Variants in SP100 observed in about 807,000 individuals in gnomAD.
SP100 encodes nuclear autoantigen Sp-100.
SP100 carries 84 observed loss-of-function variants against 130.0 expected under a neutral mutation model. The ratio of observed to expected loss-of-function variants is 0.65; its 90% CI spans 0.54 to 0.77. SP100 has a LOEUF of 0.77. SP100 is among the 30% of genes least tolerant of loss of function. SP100 has a pLI of 0.00. For synonymous variants in SP100, 331 were observed against 351.7 expected (o/e 0.94, Z 0.66); for missense variants, 978 against 1,052.2 (o/e 0.93, Z 0.97).
At chr2:230,436,455 G>C (rs1270343405) in intron 2 of SP100, among the ~76,000 whole-genome samples, 2 of 129,192 alleles carry the variant, frequency 1.5e-5, no homozygotes, top group African/African-American at 5.0e-5. Flanking sequence ...ATGATAATGA[G>C]TGAGTTCTCA....
intron 8 of SP100, among the ~76,000 whole-genome samples, chr2:230,452,818 G>GTTTTTTT (rs371944455): frequency 8.2e-6 from 1 of 122,064 alleles, no homozygotes; most frequent in Non-Finnish European, 1.7e-5. Flanking sequence ...AGTTCTAGCA[G>GTTTTTTT]TTTTTTTTTT....
chr2:230,503,018 C>G (rs1322493120), intron 19 of SP100, 48 bp from the exon 20 acceptor site: 1 of 1,373,278 alleles, frequency 7.3e-7, no homozygotes, highest in Non-Finnish European at 1.0e-6. Context: ...TAAAACACTA[C>G]TATTTGCAAT....
chr2:230,471,872 A>T (rs969504030), intron 15 of SP100, among the ~76,000 whole-genome samples: 1 of 152,078 alleles, frequency 6.6e-6, no homozygotes, highest in African/African-American at 2.4e-5. Flanking sequence ...CAGGTAGGGG[A>T]ATTTTGTGGG....
Position 230,503,085 on chromosome 2 carries a change from A to G in SP100, c.1740A>G (p.Arg580=), listed in dbSNP as rs781046413. Residue 580 remains arginine, a synonymous_variant, in exon 20 of 29, where the codon AGA becomes AGG. Coordinates refer to ENST00000340126, the MANE Select transcript of SP100 (RefSeq NM_001080391.2). ...WQQRGRKANT[R]PLKRRRKRGP... is the part of the protein sequence containing the mutation. ...TCTCAGGAAGAAAAGCCAACACTAG[A>G]CCTTTGAAAAGAAGAAGAAAAAGAG... 29 of 1,604,504 alleles carry G rather than the reference A, an allele frequency of 1.8e-5. 1 individual carries two copies. In the Middle Eastern group the frequency reaches 1.3e-3, roughly 73 times the overall value.
intron 24 of SP100, among the ~76,000 whole-genome samples, chr2:230,522,937 C>T (rs1218814427): frequency 1.3e-5 from 2 of 152,116 alleles, no homozygotes; most frequent in Non-Finnish European, 2.9e-5. Context: ...GCCTCAGCCT[C>T]CCAAGTAGCT....
Position 230,543,037 on chromosome 2 carries a change from T to C in SP100, c.*91T>C, listed in dbSNP as rs1449417485. ...AATCTGTGACTGCTCCTGTGGAAAC[T>C]CCACATCACAATTCTCCAAAATTTA... On this transcript the variant is annotated 3_prime_UTR_variant, in exon 29 of 29. Coordinates refer to ENST00000340126, the MANE Select transcript of SP100 (RefSeq NM_001080391.2). 7 of 652,640 alleles carry C rather than the reference T, an allele frequency of 1.1e-5. No individual in the cohort carries two copies. The highest frequency in any genetic ancestry group is 1.9e-5 in the Non-Finnish European group (7 of 374,482). 40.4% of individuals were successfully genotyped at this position (652,640 alleles called of 1,614,324 possible).
At chr2:230,522,641 A>C (rs1356051347) in intron 24 of SP100, among the ~76,000 whole-genome samples, 2 of 150,812 alleles carry the variant, frequency 1.3e-5, no homozygotes, top group African/African-American at 4.9e-5. Flanking sequence ...GGTTCACACC[A>C]CCACGCCCAG....
chr2:230,515,739 G>GT lies in SP100; in HGVS notation c.2094+4574dup, dbSNP rs1426278971. ...GAAAAAAACTTCAACGTAAGACTGT[G>GT]TAAGATTTGTTTTTAAACCGTACAC... On this transcript the variant is annotated intron_variant, in intron 24 of 28. Transcript: ENST00000340126. 20 of 1,513,598 alleles carry GT rather than the reference G, an allele frequency of 1.3e-5. No homozygotes were observed. The Admixed American group carries it at 2.5e-4, about 19-fold the overall frequency. The allele number at this position is 1,513,598 out of a possible 1,614,324, so 93.8% of individuals were successfully genotyped here.
At chr2:230,448,158 A>C (rs571616703) in intron 5 of SP100, among the ~76,000 whole-genome samples, 34 of 152,160 alleles carry the variant, frequency 2.2e-4, no homozygotes, top group Non-Finnish European at 4.4e-4. Context: ...AAATGTGAGG[A>C]TGTTGTTCAA....
At chr2:230,449,390 C>T (rs770459365) in intron 6 of SP100, 171 bp from the exon 7 acceptor site, 18 of 824,664 alleles carry the variant, frequency 2.2e-5, no homozygotes, top group African/African-American at 1.2e-4. Context: ...TGAGCCTGGT[C>T]GTTTTACCCA....
intron 16 of SP100, 82 bp from the exon 17 acceptor site, chr2:230,474,312 T>C (rs2065425211): frequency 6.7e-6 from 5 of 750,812 alleles, no homozygotes; most frequent in Admixed American, 4.6e-5. Context: ...ACGCAAGCCT[T>C]CCATGCAGTG....
intron 17 of SP100, among the ~76,000 whole-genome samples, chr2:230,478,320 T>A (rs2065667864): frequency 6.6e-6 from 1 of 152,144 alleles, no homozygotes; most frequent in Non-Finnish European, 1.5e-5. Context: ...GGCCCAAAAA[T>A]TATCAAATAA....
chr2:230,515,196 A>T (rs1417016588), intron 24 of SP100: 1 of 1,613,798 alleles, frequency 6.2e-7, no homozygotes, highest in Non-Finnish European at 8.5e-7. Flanking sequence ...AAGAGAAAGG[A>T]AAATTTGAAG....
intron 17 of SP100, among the ~76,000 whole-genome samples, chr2:230,483,170 A>C (rs1376860794): frequency 6.6e-6 from 1 of 152,248 alleles, no homozygotes; most frequent in Non-Finnish European, 1.5e-5. Context: ...ACAAATAAGT[A>C]CATAATATTT....
intron 24 of SP100, among the ~76,000 whole-genome samples, chr2:230,528,345 T>C (rs1691528179): frequency 6.6e-6 from 1 of 152,084 alleles, no homozygotes; most frequent in African/African-American, 2.4e-5. Flanking sequence ...AATAACGAAA[T>C]GAAGGCAGAA....
At chr2:230,481,958 A>AT (rs1002569504) in intron 17 of SP100, among the ~76,000 whole-genome samples, 10 of 152,002 alleles carry the variant, frequency 6.6e-5, no homozygotes, top group African/African-American at 2.4e-4. Flanking sequence ...TGATCTCCAT[A>AT]TTTTTTTAAT....
intron 2 of SP100, among the ~76,000 whole-genome samples, chr2:230,426,449 C>T (rs190654168): frequency 6.6e-5 from 10 of 152,244 alleles, no homozygotes; most frequent in Admixed American, 3.3e-4. Context: ...TTGTTTGCCT[C>T]AGGATATTTA....
At position 230,535,926 on chromosome 2, in the gene SP100, A is replaced by G. The variant is rs1293861551; in HGVS notation, c.2095-3341A>G. 3.3e-5 allele frequency among the ~76,000 whole-genome samples: 5 copies of G among 151,362 alleles called. No homozygotes were observed. The East Asian group carries it at 9.7e-4, about 29-fold the overall frequency. ...CATCTCAAAAAAAAAAAAAAAAAAAAAAAAAAAAAGAATATGTTTTCTTTT... is the reference window on the plus strand; with the variant it reads ...CATCTCAAAAAAAAAAAAAAAAAAAGAAAAAAAAAGAATATGTTTTCTTTT... On this transcript the variant is annotated intron_variant, in intron 24 of 28. Transcript: ENST00000340126.
intron 24 of SP100, among the ~76,000 whole-genome samples, chr2:230,529,312 A>G (rs368802118): frequency 2.0e-5 from 3 of 152,210 alleles, no homozygotes; most frequent in East Asian, 3.8e-4. Context: ...CGTAAACAGA[A>G]CCAATGACAA....
Sources: allele counts gnomAD v4.1 joint callset (sites outside exome capture counted in the v4.1 genomes callset), GRCh38; gene constraint gnomAD v4.1.1; transcripts MANE v1.5; gene names NCBI Gene and HGNC (gene_info 2026-07-23, HGNC 2026-07-21).